AKR1B15: variants seen among roughly 807,000 people sequenced by gnomAD.
AKR1B15 encodes aldo-keto reductase family 1 member B15, also known as estradiol 17-beta-dehydrogenase AKR1B15.
A neutral mutation model predicts 38.5 loss-of-function variants in AKR1B15; 49 were observed. That is an observed-to-expected ratio of 1.27 (90% CI 1.01 to 1.62). AKR1B15 has a LOEUF of 1.62. Ranked by LOEUF, AKR1B15 falls within the 40% of genes most tolerant of loss-of-function variation. The pLI is 0.00. For missense variants in AKR1B15, 411 were observed against 381.6 expected (o/e 1.08, Z -0.64); for synonymous variants, 137 against 135.5 (o/e 1.01, Z -0.08).
At chr7:134,577,184 G>GCTCCCTGGGCT in intron 10 of AKR1B15, 138 bp downstream of exon 10, 2 of 924,314 alleles carry the variant, frequency 2.2e-6, no homozygotes, top group Non-Finnish European at 3.3e-6. Flanking sequence ...TTCCAGCCCA[G>GCTCCCTGGGCT]GGAGCTAGGC....
chr7:134,563,013 C>T (rs1794455628), intron 2 of AKR1B15, among the ~76,000 whole-genome samples: 1 of 151,578 alleles, frequency 6.6e-6, no homozygotes, highest in Admixed American at 6.6e-5. Flanking sequence ...CTCCCTCCCC[C>T]AACTCTTCTT....
intron 5 of AKR1B15, among the ~76,000 whole-genome samples, chr7:134,571,248 C>G (rs138783057): frequency 2.6e-4 from 39 of 152,176 alleles, no homozygotes; most frequent in Non-Finnish European, 5.1e-4. Flanking sequence ...CTCCAGAAAA[C>G]CACACCCTGG....
intron 1 of AKR1B15, among the ~76,000 whole-genome samples, chr7:134,556,244 G>T (rs1208631304): frequency 6.6e-6 from 1 of 152,120 alleles, no homozygotes; most frequent in Non-Finnish European, 1.5e-5. Flanking sequence ...GACCCCAGCT[G>T]CAATGACAAT....
At chr7:134,574,731 G>C (rs1211370482) in intron 6 of AKR1B15, among the ~76,000 whole-genome samples, 1 of 152,202 alleles carries the variant, frequency 6.6e-6, no homozygotes, top group Non-Finnish European at 1.5e-5. Context: ...GCCCAATAAA[G>C]GCTAAAAATT....
intron 4 of AKR1B15, 137 bp from the exon 5 acceptor site, chr7:134,569,276 C>T (rs1794613294): frequency 6.2e-6 from 6 of 975,502 alleles, no homozygotes; most frequent in South Asian, 1.6e-5. Context: ...CACACTGCAT[C>T]GTGGATCTTA....
chr7:134,558,652 G>A (rs1304913982), intron 2 of AKR1B15, among the ~76,000 whole-genome samples: 1 of 152,142 alleles, frequency 6.6e-6, no homozygotes, highest in Non-Finnish European at 1.5e-5. Flanking sequence ...CCTATTGCTT[G>A]GTTAAGAATC....
rs371849475 is a variant in AKR1B15, at chr7:134,554,702, C to T, written c.-146-2034C>T. Among the ~76,000 whole-genome samples, 9 of 152,266 alleles carry T rather than the reference C, an allele frequency of 5.9e-5. No homozygotes were observed. The East Asian group carries it at 1.4e-3, about 23-fold the overall frequency. ...ACCACACTTGGCAGGGTATAAATAC[C>T]TCCTGGTGCTAGTAGACACCTTTTC... On this transcript the variant is annotated intron_variant, in intron 1 of 11. Coordinates refer to ENST00000457545, the MANE Select transcript of AKR1B15 (RefSeq NM_001080538.3).
intron 3 of AKR1B15, among the ~76,000 whole-genome samples, chr7:134,567,821 T>C (rs1227972987): frequency 6.6e-6 from 1 of 152,232 alleles, no homozygotes; most frequent in Non-Finnish European, 1.5e-5. Flanking sequence ...AACTGACTTT[T>C]AGCTAGGATA....
At chr7:134,563,606 T>G (rs1340170570) in intron 2 of AKR1B15, among the ~76,000 whole-genome samples, 2 of 152,032 alleles carry the variant, frequency 1.3e-5, no homozygotes, top group African/African-American at 4.8e-5. Context: ...CTGGGTTGAG[T>G]GGAGACTTGG....
intron 4 of AKR1B15, 116 bp from the exon 5 acceptor site, chr7:134,569,297 T>C: frequency 1.7e-6 from 2 of 1,197,784 alleles, no homozygotes; most frequent in South Asian, 1.4e-5. Flanking sequence ...ATCAGCTTTG[T>C]TATAGATGGC....
At position 134,567,142 on chromosome 7, in the gene AKR1B15, G is replaced by A. The variant is rs542600324; in HGVS notation, c.151-1016G>A. On this transcript the variant is annotated intron_variant, in intron 3 of 11. Coordinates refer to ENST00000457545, the MANE Select transcript of AKR1B15 (RefSeq NM_001080538.3). ...AGGTGGCAGCCCGTTTCTTGCCCAG[G>A]TGGTAGGGTAGTTGTGCATCTCTGT... 3.9e-5 allele frequency among the ~76,000 whole-genome samples: 6 copies of A among 152,308 alleles called. No homozygotes were observed. The South Asian group carries it at 6.2e-4, about 16-fold the overall frequency.
At chr7:134,565,416 C>A (rs768773020) in intron 3 of AKR1B15, 8 of 1,610,122 alleles carry the variant, frequency 5.0e-6, no homozygotes, top group Non-Finnish European at 6.8e-6. Flanking sequence ...TGGAAGGAAC[C>A]AACTCTGGAC....
intron 1 of AKR1B15, among the ~76,000 whole-genome samples, chr7:134,555,518 T>C (rs1794162539): frequency 6.6e-6 from 1 of 152,164 alleles, no homozygotes; most frequent in African/African-American, 2.4e-5. Context: ...ATTCTTTTTA[T>C]TTACCTCTTC....
At chr7:134,567,081 A>G (rs1170038993) in intron 3 of AKR1B15, among the ~76,000 whole-genome samples, 1 of 152,184 alleles carries the variant, frequency 6.6e-6, no homozygotes, top group Non-Finnish European at 1.5e-5. Flanking sequence ...AGGGTGTAGT[A>G]TAGCGGTTGG....
chr7:134,575,722 G>T, intron 7 of AKR1B15, 99 bp from the exon 8 acceptor site: 1 of 1,591,610 alleles, frequency 6.3e-7, no homozygotes, highest in Non-Finnish European at 8.6e-7. Flanking sequence ...GCACTTGTTT[G>T]GCCTTTGCTT....
intron 2 of AKR1B15, among the ~76,000 whole-genome samples, chr7:134,560,571 C>T (rs1794356838): frequency 6.6e-6 from 1 of 152,194 alleles, no homozygotes. Flanking sequence ...TCCCTCCTCA[C>T]TGATTCATAG....
At position 134,568,266 on chromosome 7, in the gene AKR1B15, A is replaced by T; in HGVS notation, c.259A>T (p.Ile87Phe). ...YENQHEVGEA[I>F]QEKIQEKAVM... The stretch of plus-strand genomic sequence containing the variant: ...GAATCAACATGAGGTGGGAGAAGCC[A>T]TCCAAGAGAAGATCCAAGAGAAGGC... The change falls in exon 4 of 12, where the codon ATC (isoleucine) becomes TTC (phenylalanine). Residue 87 changes from isoleucine (I) to phenylalanine (F), a missense_variant. Coordinates refer to ENST00000457545, the MANE Select transcript of AKR1B15 (RefSeq NM_001080538.3). 4 of 1,614,144 alleles carry T rather than the reference A, an allele frequency of 2.5e-6. No individual in the cohort carries two copies. The highest frequency in any genetic ancestry group is 3.4e-6 in the Non-Finnish European group (4 of 1,179,990).
At chr7:134,562,331 T>G (rs1794419440) in intron 2 of AKR1B15, among the ~76,000 whole-genome samples, 1 of 152,196 alleles carries the variant, frequency 6.6e-6, no homozygotes, top group African/African-American at 2.4e-5. Context: ...GCGGGTTGCC[T>G]AAGCGTTGCT....
chr7:134,569,343 C>G, intron 4 of AKR1B15, 70 bp from the exon 5 acceptor site: 2 of 1,561,502 alleles, frequency 1.3e-6, no homozygotes, highest in Non-Finnish European at 1.8e-6. Context: ...AATCAAAAAG[C>G]AGGGACAATG....
Sources: allele counts gnomAD v4.1 joint callset (sites outside exome capture counted in the v4.1 genomes callset), GRCh38; gene constraint gnomAD v4.1.1; transcripts MANE v1.5; gene names NCBI Gene and HGNC (gene_info 2026-07-23, HGNC 2026-07-21).